MCRIP2: variants seen among roughly 807,000 people sequenced by gnomAD.
The protein encoded by MCRIP2 is MAPK regulated co-repressor interacting protein 2.
A neutral mutation model predicts 23.2 loss-of-function variants in MCRIP2; 21 were observed. The observed-to-expected ratio is 0.90, with a 90% confidence interval of 0.64 to 1.30. The LOEUF is 1.30. MCRIP2 is among the 50% of genes most tolerant of loss of function. The pLI is 0.00. For synonymous variants in MCRIP2, 121 were observed against 100.2 expected (o/e 1.21, Z -1.24); for missense variants, 234 against 223.2 (o/e 1.05, Z -0.31).
At chr16:647,306 G>A in intron 2 of MCRIP2, 111 bp from the exon 3 acceptor site, 3 of 1,503,100 alleles carry the variant, frequency 2.0e-6, no homozygotes, top group Non-Finnish European at 2.7e-6. Flanking sequence ...AAGTGCCTAG[G>A]CTGGCCAAGT....
rs973924056 is a variant in MCRIP2, at chr16:646,290, G to A, written c.183-1127G>A. 6.6e-6 allele frequency: 1 copy of A among 152,196 alleles called. No individual in the cohort carries two copies. Among genetic ancestry groups the A allele is most frequent in the Non-Finnish European group, 1.5e-5 (1 of 68,038 alleles). 9.4% of individuals were successfully genotyped at this position (152,196 alleles called of 1,614,324 possible). Reference sequence around the variant, plus strand: ...GGTTGCAGGCAAGGGGGCTTTCCAAGTGGACAAACTTTATTCCCTGTGGTT... The same window carrying A: ...GGTTGCAGGCAAGGGGGCTTTCCAAATGGACAAACTTTATTCCCTGTGGTT... On this transcript the variant is annotated intron_variant, in intron 2 of 4. Coordinates refer to ENST00000307650, the MANE Select transcript of MCRIP2 (RefSeq NM_138418.4). This position sits in a 1 kb window ranked among gnomAD's most constrained non-coding sequence, Gnocchi z 6.5.
At chr16:643,260 C>G (rs546667629) in intron 2 of MCRIP2, 1 of 152,258 alleles carries the variant, frequency 6.6e-6, no homozygotes, top group Non-Finnish European at 1.5e-5. Flanking sequence ...TCCTCGTGGC[C>G]GCTCTACTTC....
At chr16:648,028 G>A (rs1317704347) in intron 4 of MCRIP2, 92 bp from the exon 5 acceptor site, 2 of 1,344,694 alleles carry the variant, frequency 1.5e-6, no homozygotes, top group Non-Finnish European at 2.0e-6. Flanking sequence ...GCCGCACTCG[G>A]AGTCCGGGTG....
At chr16:647,579 G>T (rs2037519823) in intron 3 of MCRIP2, 35 bp downstream of exon 3, 3 of 1,607,298 alleles carry the variant, frequency 1.9e-6, no homozygotes, top group Non-Finnish European at 2.6e-6. Context: ...GGCATAGGCT[G>T]CTGGGTCGCA....
Position 647,535 on chromosome 16 carries a change from G to A in MCRIP2, c.301G>A (p.Val101Met), listed in dbSNP as rs768395075. The A allele has an allele frequency of 6.2e-7, 1 of 1,613,316 alleles. No individual in the cohort carries two copies. The highest frequency in any genetic ancestry group is 8.5e-7 in the Non-Finnish European group (1 of 1,179,852). Reference protein sequence around the residue: ...TVAHEENVRFVSEAWQQVQQQ... With the variant: ...TVAHEENVRFMSEAWQQVQQQ... ...GGCCCACGAGGAGAATGTCCGCTTT[G>A]TGTCCGAAGGTAGCGAGCGGGGCCA... Residue 101 changes from valine (V) to methionine (M), a missense_variant, in exon 3 of 5, where the codon GTG becomes ATG. By Grantham distance (21) the Val-to-Met change is conservative (BLOSUM62 1). Transcript: ENST00000307650.
intron 2 of MCRIP2, among the ~76,000 whole-genome samples, chr16:644,674 G>C (rs777937842): frequency 2.6e-5 from 4 of 152,042 alleles, no homozygotes; most frequent in Non-Finnish European, 5.9e-5. Context: ...TCCTGGGCTC[G>C]AGCAATTCTC....
Position 647,798 on chromosome 16 carries a change from A to T in MCRIP2, c.326A>T (p.Gln109Leu). The T allele has an allele frequency of 6.4e-7, 1 of 1,569,376 alleles. No individual in the cohort carries two copies. The highest frequency in any genetic ancestry group is 8.6e-7 in the Non-Finnish European group (1 of 1,157,972). The change falls in exon 4 of 5, where the codon CAA (glutamine) becomes CTA (leucine). Residue 109 changes from glutamine to leucine, a missense_variant. Coordinates refer to ENST00000307650, the MANE Select transcript of MCRIP2 (RefSeq NM_138418.4). ...RFVSEAWQQV[Q>L]QQLDGGPAGE... ...CCTCCCACAGCCTGGCAGCAGGTGC[A>T]ACAGCAGCTGGATGGTGGCCCAGCC...
chr16:644,263 T>G (rs2037422398), intron 2 of MCRIP2, among the ~76,000 whole-genome samples: 1 of 152,096 alleles, frequency 6.6e-6, no homozygotes, highest in Non-Finnish European at 1.5e-5. Context: ...GTATTTTTAG[T>G]AGAGTCAGGG....
intron 2 of MCRIP2, chr16:642,526 G>A (rs2037374411): frequency 5.1e-6 from 1 of 194,352 alleles, no homozygotes; most frequent in Non-Finnish European, 1.0e-5. Flanking sequence ...GTCCGAGGTC[G>A]GTGCTTCGGG....
At position 646,280 on chromosome 16, in the gene MCRIP2, G is replaced by A. The variant is rs1203359562; in HGVS notation, c.183-1137G>A. On this transcript the variant is annotated intron_variant, in intron 2 of 4. Transcript: ENST00000307650. The surrounding 1 kb of genome is among the most constrained non-coding windows in gnomAD (Gnocchi z 6.5). ...GGTGGGAGTGGGTTGCAGGCAAGGG[G>A]GCTTTCCAAGTGGACAAACTTTATT... The A allele has an allele frequency of 1.3e-5, 2 of 152,206 alleles. No homozygotes were observed. Among genetic ancestry groups the A allele is most frequent in the East Asian group, 3.9e-4 (2 of 5,174 alleles). 9.4% of individuals were successfully genotyped at this position (152,206 alleles called of 1,614,324 possible).
At chr16:647,151 C>G (rs577276575) in intron 2 of MCRIP2, 204 of 554,426 alleles carry the variant, frequency 3.7e-4, no homozygotes, top group African/African-American at 3.4e-3. Flanking sequence ...TTGGGACACT[C>G]TAAGACTGAG....
In MCRIP2 at chr16:647,804, A is replaced by AGCTG. The variant is rs1032772707; in HGVS notation, c.334_337dup (p.Asp113AlafsTer8). On this transcript the variant is annotated frameshift_variant, in exon 4 of 5. Transcript: ENST00000307650. LOFTEE classifies it high-confidence loss of function. ...ACAGCCTGGCAGCAGGTGCAACAGC[A>AGCTG]GCTGGATGGTGGCCCAGCCGGTGAG... is the stretch of plus-strand genomic sequence containing the variant. 19 of 1,572,614 alleles carry AGCTG rather than the reference A, an allele frequency of 1.2e-5. No homozygotes were observed. Among genetic ancestry groups the AGCTG allele is most frequent in the Non-Finnish European group, 1.6e-5 (19 of 1,159,832 alleles).
chr16:647,056 C>A, intron 2 of MCRIP2: 1 of 290,070 alleles, frequency 3.4e-6, no homozygotes, highest in Non-Finnish European at 6.6e-6. Flanking sequence ...AGGTCAGAAT[C>A]TGGGCTGCTG....
chr16:648,224 A>G lies in MCRIP2; in HGVS notation c.*34A>G. The G allele has an allele frequency of 1.9e-6, 3 of 1,581,888 alleles. No homozygotes were observed. The highest frequency in any genetic ancestry group is 1.8e-5 in the Admixed American group (1 of 56,786). Reference sequence around the variant, plus strand: ...GGGAGGGGGCGCTGCTACACGGCCGACCTGTCGCCAGGAGAGAAGCATGGC... The same window carrying G: ...GGGAGGGGGCGCTGCTACACGGCCGGCCTGTCGCCAGGAGAGAAGCATGGC... On this transcript the variant is annotated 3_prime_UTR_variant, in exon 5 of 5. Coordinates refer to ENST00000307650, the MANE Select transcript of MCRIP2 (RefSeq NM_138418.4).
In MCRIP2 at chr16:647,897, A is replaced by C; in HGVS notation, c.412+13A>C. The C allele has an allele frequency of 6.8e-6, 8 of 1,184,992 alleles. No individual in the cohort carries two copies. The highest frequency in any genetic ancestry group is 9.0e-6 in the Non-Finnish European group (8 of 892,270). The allele number at this position is 1,184,992 out of a possible 1,614,324, so 73.4% of individuals were successfully genotyped here. ...CCCCGGCTGCAGAGTGAGCCCCCCA[A>C]CCCTGTCCCCCCAGGAGAGACCCCC... is the stretch of plus-strand genomic sequence containing the variant. On this transcript the variant is annotated intron_variant, in intron 4 of 4. Coordinates refer to ENST00000307650, the MANE Select transcript of MCRIP2 (RefSeq NM_138418.4).
chr16:641,867 T>G lies in MCRIP2; in HGVS notation c.-125T>G. 9.0e-6 allele frequency: 8 copies of G among 891,170 alleles called. No individual in the cohort carries two copies. Among genetic ancestry groups the G allele is most frequent in the Non-Finnish European group, 1.2e-5 (8 of 681,898 alleles). The allele number at this position is 891,170 out of a possible 1,614,324, so 55.2% of individuals were successfully genotyped here. On this transcript the variant is annotated 5_prime_UTR_variant, in exon 1 of 5. Transcript: ENST00000307650. ...GTCAGCCCGAGCCCGTGCGGGCCCT[T>G]TAAGGGCCGGGGGCGTGTAGCGGGC... is the stretch of plus-strand genomic sequence containing the variant.
chr16:644,858 C>T (rs2037437515), intron 2 of MCRIP2, among the ~76,000 whole-genome samples: 1 of 152,096 alleles, frequency 6.6e-6, no homozygotes, highest in African/African-American at 2.4e-5. Context: ...AGGGTCAAGG[C>T]TTGTCACCCA....
At chr16:644,124 C>T (rs1279294768) in intron 2 of MCRIP2, among the ~76,000 whole-genome samples, 2 of 152,172 alleles carry the variant, frequency 1.3e-5, no homozygotes, top group Admixed American at 1.3e-4. Flanking sequence ...CTCTGTTGCC[C>T]AGGCTGGAGT....
chr16:643,665 C>CTCTT (rs2037406719), intron 2 of MCRIP2, among the ~76,000 whole-genome samples: 1 of 150,592 alleles, frequency 6.6e-6, no homozygotes, highest in African/African-American at 2.5e-5. Context: ...CTGCCTCAGT[C>CTCTT]TCTTCAGTAG....
Sources: gnomAD v4.1 joint callset for allele counts (sites outside exome capture counted in the v4.1 genomes callset) on GRCh38, gnomAD v4.1.1 for gene constraint, Gnocchi (gnomAD v3.1) non-coding constraint, MANE v1.5 for transcripts, NCBI Gene and HGNC (gene_info 2026-07-23, HGNC 2026-07-21) for gene names.